Variants in THADA observed in about 807,000 individuals in gnomAD.
THADA encodes the protein tRNA (32-2'-O)-methyltransferase regulator THADA.
Under a neutral mutation model 219.8 loss-of-function variants are expected in THADA, and 213 were observed. The observed-to-expected ratio is 0.97, with a 90% CI of 0.87 to 1.09. The LOEUF is 1.09. THADA is among the 50% of genes least tolerant of loss of function. The pLI, the probability that THADA is intolerant of heterozygous loss-of-function variation, is 0.00. For missense variants in THADA, 2,956 were observed against 2,311.3 expected, an observed-to-expected ratio of 1.28 and a Z score of -5.72; for synonymous variants, 1,018 against 828.9, an observed-to-expected ratio of 1.23 and a Z score of -3.92.
chr2:43,565,365 G>C (rs1248327905), intron 15 of THADA: 6 of 151,484 alleles, frequency 4.0e-5, no homozygotes, highest in African/African-American at 1.5e-4. Flanking sequence ...CTTGAACCCA[G>C]GAGGCAGAGG....
intron 8 of THADA, among the ~76,000 whole-genome samples, chr2:43,579,245 G>A (rs111406854): frequency 3.3e-4 from 50 of 152,198 alleles, no homozygotes; most frequent in African/African-American, 1.2e-3. Context: ...ACACCTAACA[G>A]CAACACCACC....
intron 12 of THADA, among the ~76,000 whole-genome samples, chr2:43,572,339 G>T (rs1255616896): frequency 6.6e-6 from 1 of 152,104 alleles, no homozygotes; most frequent in Non-Finnish European, 1.5e-5. Flanking sequence ...CCTAGCATTA[G>T]GCCTTTCCAA....
rs533535882 is a variant in THADA, at chr2:43,543,777, T to C, written c.3107-2461A>G. On this transcript the variant is annotated intron_variant, in intron 20 of 37. Transcript: ENST00000405975. ...TTGTAGATTCTGCATATTAGCCCTTTGTCAGATGAGTAGGTTGCGAAAATT... is the reference window on the plus strand; with the variant it reads ...TTGTAGATTCTGCATATTAGCCCTTCGTCAGATGAGTAGGTTGCGAAAATT... 4.6e-5 allele frequency among the ~76,000 whole-genome samples: 7 copies of C among 152,314 alleles called. No individual in the cohort carries two copies. In the East Asian group the frequency reaches 1.3e-3, roughly 29 times the overall value.
intron 20 of THADA, among the ~76,000 whole-genome samples, chr2:43,547,099 T>G (rs1408793525): frequency 2.0e-5 from 3 of 152,104 alleles, no homozygotes; most frequent in African/African-American, 7.2e-5. Flanking sequence ...TTTGCTTGTC[T>G]GTAAAGTATT....
intron 30 of THADA, chr2:43,333,253 TCCTGAGA>T (rs1423960641): frequency 6.6e-6 from 1 of 152,156 alleles, no homozygotes; most frequent in African/African-American, 2.4e-5. Flanking sequence ...CCTTAGACAT[TCCTGAGA>T]CGTCTGAAAG....
chr2:43,594,702 T>A (rs1701954330), intron 1 of THADA, among the ~76,000 whole-genome samples: 1 of 152,204 alleles, frequency 6.6e-6, no homozygotes, highest in East Asian at 1.9e-4. Context: ...CTCTTCACCA[T>A]CTCAAGAGCT....
chr2:43,270,281 C>T (rs1412739394), intron 36 of THADA, among the ~76,000 whole-genome samples: 7 of 152,088 alleles, frequency 4.6e-5, no homozygotes, highest in South Asian at 4.2e-4. Flanking sequence ...CTAAAACCCT[C>T]GAGTCCTGGG....
chr2:43,553,066 T>C (rs1696938032), intron 17 of THADA, among the ~76,000 whole-genome samples: 1 of 152,234 alleles, frequency 6.6e-6, no homozygotes, highest in African/African-American at 2.4e-5. Flanking sequence ...CATGTATCAA[T>C]ACTTCATTCC....
intron 29 of THADA, chr2:43,391,836 C>G (rs778478804): frequency 2.6e-5 from 4 of 152,196 alleles, no homozygotes; most frequent in Non-Finnish European, 5.9e-5. Flanking sequence ...TCTGCCTTAA[C>G]CCTTCTTGGA....
At position 43,526,073 on chromosome 2, in the gene THADA, T is replaced by A. The variant is rs557921578; in HGVS notation, c.3374+1806A>T. 2.6e-5 allele frequency among the ~76,000 whole-genome samples: 4 copies of A among 152,352 alleles called. No individual in the cohort carries two copies. The South Asian group carries it at 8.3e-4, about 32-fold the overall frequency. ...TATAATGCAAAGAGGTCTTCTTAAA[T>A]ATCTATTTTATTTGATTCATACAAC... On this transcript the variant is annotated intron_variant, in intron 22 of 37. Transcript: ENST00000405975.
At chr2:43,253,566 GT>G (rs1670026322) in intron 36 of THADA, among the ~76,000 whole-genome samples, 1 of 152,016 alleles carries the variant, frequency 6.6e-6, no homozygotes, top group East Asian at 1.9e-4. Context: ...CCTTATGTGG[GT>G]TTCATGACAA....
intron 29 of THADA, among the ~76,000 whole-genome samples, chr2:43,349,098 T>A (rs1018286853): frequency 1.6e-4 from 24 of 152,130 alleles, no homozygotes; most frequent in African/African-American, 5.3e-4. Context: ...ATGACTATCA[T>A]AGGCATGGAA....
intron 16 of THADA, among the ~76,000 whole-genome samples, chr2:43,558,438 G>A (rs748893428): frequency 6.6e-6 from 1 of 152,166 alleles, no homozygotes; most frequent in East Asian, 1.9e-4. Context: ...GTGTGTGTCT[G>A]TGAGGGTGTT....
intron 28 of THADA, among the ~76,000 whole-genome samples, chr2:43,422,834 C>A (rs575378694): frequency 6.6e-6 from 1 of 152,076 alleles, no homozygotes. Flanking sequence ...ATCCTCCCAC[C>A]GCAGCCTCCC....
At chr2:43,442,583 A>G (rs1286038840) in intron 26 of THADA, among the ~76,000 whole-genome samples, 3 of 152,254 alleles carry the variant, frequency 2.0e-5, no homozygotes, top group Admixed American at 6.5e-5. Context: ...GAAAGAAGGT[A>G]CAAAAATTTT....
chr2:43,504,455 G>C (rs1295288465), intron 24 of THADA, among the ~76,000 whole-genome samples: 1 of 151,990 alleles, frequency 6.6e-6, no homozygotes, highest in African/African-American at 2.4e-5. Flanking sequence ...CCTCATTCTG[G>C]CCTGTGGGCT....
At position 43,574,743 on chromosome 2, in the gene THADA, G is replaced by A; in HGVS notation, c.1322C>T (p.Thr441Ile). The A allele has an allele frequency of 1.2e-6, 2 of 1,614,002 alleles. No individual in the cohort carries two copies. The highest frequency in any genetic ancestry group is 1.6e-4 in the Middle Eastern group (1 of 6,062). Residue 441 changes from threonine (T) to isoleucine (I), a missense_variant, in exon 11 of 38, where the codon ACT becomes ATT. Physicochemically the swap from Thr to Ile is moderately conservative, Grantham distance 89. Transcript: ENST00000405975. ...CCATTCCAATCGTAAAAGACTCTCA[G>A]TCAATTCCACAAAGAAAGGATCAGG... ...FVPDPFFVEL[T>I]ESLLRLEWHI...
chr2:43,309,777 A>G (rs2104432905), intron 31 of THADA, among the ~76,000 whole-genome samples: 1 of 152,294 alleles, frequency 6.6e-6, no homozygotes, highest in Non-Finnish European at 1.5e-5. Flanking sequence ...TCTATTCAAC[A>G]CTGTATTGGA....
chr2:43,484,807 T>C (rs959006880), intron 26 of THADA, among the ~76,000 whole-genome samples: 1 of 152,062 alleles, frequency 6.6e-6, no homozygotes, highest in Non-Finnish European at 1.5e-5. Flanking sequence ...GCAAAGGTAA[T>C]GTGAGAGATG....
Sources: allele counts gnomAD v4.1 joint callset (sites outside exome capture counted in the v4.1 genomes callset), GRCh38; gene constraint gnomAD v4.1.1; transcripts MANE v1.5; gene names NCBI Gene and HGNC (gene_info 2026-07-23, HGNC 2026-07-21).